LRFN5: variants seen among roughly 807,000 people sequenced by gnomAD.
LRFN5 encodes leucine-rich repeat and fibronectin type-III domain-containing protein 5.
Under a neutral mutation model 45.6 loss-of-function variants are expected in LRFN5, and 24 were observed. The ratio of observed to expected loss-of-function variants is 0.53; its 90% CI spans 0.38 to 0.74. The LOEUF (loss-of-function observed/expected upper bound fraction) is 0.74, where lower values mean the gene tolerates loss of function less well. Among genes scored for constraint, LRFN5 ranks in the 30% least tolerant of loss-of-function variants. The pLI, the probability that LRFN5 is intolerant of heterozygous loss-of-function variation, is 0.00. For synonymous variants in LRFN5, 340 were observed against 313.8 expected (o/e 1.08, Z -0.88); for missense variants, 776 against 861.5 (o/e 0.90, Z 1.24).
At chr14:41,801,119 GA>G (rs909349494) in intron 2 of LRFN5, among the ~76,000 whole-genome samples, 41 of 151,918 alleles carry the variant, frequency 2.7e-4, no homozygotes, top group African/African-American at 8.7e-4. Context: ...TAAAGGAGTA[GA>G]AAAAAACTGA....
At position 41,856,675 on chromosome 14, in the gene LRFN5, A is replaced by ATTTTTTTTTTTTTTTTTTTTTT. The variant is rs1555326982; in HGVS notation, c.-20-29912_-20-29911insTTTTTTTTTTTTTTTTTTTTTT. 7.6e-4 allele frequency among the ~76,000 whole-genome samples: 14 copies of ATTTTTTTTTTTTTTTTTTTTTT among 18,338 alleles called. 1 individual carries two copies. The highest frequency in any genetic ancestry group is 1.3e-3 in the East Asian group (1 of 746). The allele number at this position is 18,338 out of a possible 152,430, so 12.0% of individuals were successfully genotyped here. A position where few individuals can be genotyped will look rare whatever the true frequency, so the allele number is the denominator to read the frequency against. On this transcript the variant is annotated intron_variant, in intron 2 of 5. Transcript: ENST00000298119. ...TTCTTTCCTAATTATTATTATTATT[A>ATTTTTTTTTTTTTTTTTTTTTT]TTTTTTTTTTTTTTTTTTTGAGACG...
At chr14:41,812,736 T>C (rs1014543643) in intron 2 of LRFN5, among the ~76,000 whole-genome samples, 1 of 152,084 alleles carries the variant, frequency 6.6e-6, no homozygotes, top group Admixed American at 6.6e-5. Context: ...ATAAAATTGA[T>C]GATGAAAAAT....
chr14:41,710,741 G>T (rs1883248454), intron 1 of LRFN5, among the ~76,000 whole-genome samples: 2 of 151,930 alleles, frequency 1.3e-5, no homozygotes, highest in South Asian at 2.1e-4. Context: ...TTTACATTAG[G>T]TATATCTCCT....
chr14:41,796,515 G>A (rs1012177363), intron 2 of LRFN5, among the ~76,000 whole-genome samples: 3 of 151,706 alleles, frequency 2.0e-5, no homozygotes, highest in Admixed American at 1.3e-4. Context: ...GTAATGTTTT[G>A]TTATTTATGT....
At chr14:41,776,107 T>G (rs1253627964) in intron 2 of LRFN5, among the ~76,000 whole-genome samples, 1 of 152,216 alleles carries the variant, frequency 6.6e-6, no homozygotes, top group Non-Finnish European at 1.5e-5. Context: ...GTTCTATATT[T>G]ATCATAACAT....
intron 2 of LRFN5, among the ~76,000 whole-genome samples, chr14:41,863,582 C>A (rs537674862): frequency 6.6e-6 from 1 of 152,076 alleles, no homozygotes; most frequent in Non-Finnish European, 1.5e-5. Flanking sequence ...ATTTTATAGA[C>A]GTTTTCCTTA....
At chr14:41,794,903 AAAACTTTAATTAT>A (rs1194657172) in intron 2 of LRFN5, among the ~76,000 whole-genome samples, 1 of 152,084 alleles carries the variant, frequency 6.6e-6, no homozygotes, top group East Asian at 1.9e-4. Flanking sequence ...ACAATTATTG[AAAACTTTAATTAT>A]AAATATTTAA....
intron 1 of LRFN5, among the ~76,000 whole-genome samples, chr14:41,667,688 A>G (rs1415089033): frequency 3.3e-5 from 5 of 152,018 alleles, no homozygotes; most frequent in South Asian, 2.1e-4. Flanking sequence ...ACCTCTATCT[A>G]TAAAATTCTT....
intron 2 of LRFN5, among the ~76,000 whole-genome samples, chr14:41,770,322 A>G (rs1256223165): frequency 1.3e-5 from 2 of 152,130 alleles, no homozygotes; most frequent in African/African-American, 4.8e-5. Flanking sequence ...TTCTTTTCAG[A>G]TTGCAAAATA....
chr14:41,823,121 C>G (rs544920417), intron 2 of LRFN5, among the ~76,000 whole-genome samples: 2 of 151,888 alleles, frequency 1.3e-5, no homozygotes, highest in South Asian at 2.1e-4. Flanking sequence ...TAGGATTTAG[C>G]CCATTTGTGA....
chr14:41,670,256 GATATATATATATATATAT>G lies in LRFN5; in HGVS notation c.-197+61726_-197+61743del, dbSNP rs1165968461. 2.1e-3 allele frequency among the ~76,000 whole-genome samples: 95 copies of G among 45,746 alleles called. 1 individual carries two copies. Among genetic ancestry groups the G allele is most frequent in the South Asian group, 4.5e-3 (4 of 890 alleles). The allele number at this position is 45,746 out of a possible 152,430, so 30.0% of individuals were successfully genotyped here. On this transcript the variant is annotated intron_variant, in intron 1 of 5. Coordinates refer to ENST00000298119, the MANE Select transcript of LRFN5 (RefSeq NM_152447.5). The stretch of plus-strand genomic sequence containing the variant: ...ACACACACACACACACATACACACA[GATATATATATATATATAT>G]ATATATATATATATATATATATATA...
chr14:41,623,663 T>A (rs1202182073), intron 1 of LRFN5, among the ~76,000 whole-genome samples: 1 of 152,124 alleles, frequency 6.6e-6, no homozygotes, highest in East Asian at 1.9e-4. Context: ...ATTAAAAATA[T>A]GTAGGCCCTA....
chr14:41,802,736 AT>A (rs879828581), intron 2 of LRFN5, among the ~76,000 whole-genome samples: 139 of 151,624 alleles, frequency 9.2e-4, no homozygotes, highest in African/African-American at 3.0e-3. Flanking sequence ...CATAGGCAGG[AT>A]TTTTTTTTCC....
intron 2 of LRFN5, among the ~76,000 whole-genome samples, chr14:41,819,785 C>T (rs1888048441): frequency 1.3e-5 from 2 of 152,038 alleles, no homozygotes; most frequent in Admixed American, 1.3e-4. Context: ...CCTTCATGAT[C>T]CAATCACCTT....
chr14:41,802,369 G>A (rs1383353594), intron 2 of LRFN5, among the ~76,000 whole-genome samples: 3 of 152,200 alleles, frequency 2.0e-5, no homozygotes, highest in African/African-American at 7.2e-5. Flanking sequence ...TGATTTGACA[G>A]GATTCTTGCT....
At chr14:41,760,313 C>T (rs1885606818) in intron 1 of LRFN5, among the ~76,000 whole-genome samples, 1 of 152,154 alleles carries the variant, frequency 6.6e-6, no homozygotes, top group Non-Finnish European at 1.5e-5. Flanking sequence ...GCTTGTTCTA[C>T]TGGGCTCAAG....
At chr14:41,609,237 C>T (rs749825639) in intron 1 of LRFN5, among the ~76,000 whole-genome samples, 24 of 152,274 alleles carry the variant, frequency 1.6e-4, no homozygotes, top group Non-Finnish European at 2.6e-4. Context: ...CTAGCAGAAC[C>T]AGGCTAAAAC....
intron 1 of LRFN5, among the ~76,000 whole-genome samples, chr14:41,678,651 G>A (rs1180134868): frequency 6.6e-6 from 1 of 152,064 alleles, no homozygotes; most frequent in African/African-American, 2.4e-5. Context: ...GGATAAACTA[G>A]TCTCAATAAA....
intron 1 of LRFN5, among the ~76,000 whole-genome samples, chr14:41,746,804 T>C (rs561289681): frequency 6.6e-6 from 1 of 152,030 alleles, no homozygotes; most frequent in East Asian, 1.9e-4. Flanking sequence ...TAGAAAATGC[T>C]AAAGAAAATA....
Sources: gnomAD v4.1 joint callset for allele counts (sites outside exome capture counted in the v4.1 genomes callset) on GRCh38, gnomAD v4.1.1 for gene constraint, MANE v1.5 for transcripts, NCBI Gene and HGNC (gene_info 2026-07-23, HGNC 2026-07-21) for gene names.